PITPNM3: variants seen among roughly 807,000 people sequenced by gnomAD.
PITPNM3 encodes membrane-associated phosphatidylinositol transfer protein 3.
A neutral mutation model predicts 102.0 loss-of-function variants in PITPNM3; 26 were observed. The observed-to-expected ratio is 0.25, with a 90% CI of 0.19 to 0.35. The LOEUF (loss-of-function observed/expected upper bound fraction) is 0.35. Ranked by LOEUF, PITPNM3 falls within the 10% of genes least tolerant of loss-of-function variation. The pLI, the probability that PITPNM3 is intolerant of heterozygous loss-of-function variation, is 1.00. For missense variants in PITPNM3, 1,083 were observed against 1,346.1 expected (o/e 0.80, Z 3.06); for synonymous variants, 578 against 558.6 (o/e 1.03, Z -0.49).
At position 6,517,600 on chromosome 17, in the gene PITPNM3, C is replaced by G. The variant is rs1189137440; in HGVS notation, c.226+7756G>C. On this transcript the variant is annotated intron_variant, in intron 3 of 19. Coordinates refer to ENST00000262483, the MANE Select transcript of PITPNM3 (RefSeq NM_031220.4). The surrounding 1 kb of genome is among the most constrained non-coding windows in gnomAD (Gnocchi z 4.1). ...TTTGAGACAGGGGCTCATTCTGTCA[C>G]CCAGGCTGGGTTGCAGTGGAGCAAG... Among the ~76,000 whole-genome samples the G allele has an allele frequency of 6.6e-6, 1 of 151,956 alleles. No homozygotes were observed. Among genetic ancestry groups the G allele is most frequent in the African/African-American group, 2.4e-5 (1 of 41,362 alleles).
rs374847640 is a variant in PITPNM3 at position 6,483,573 on chromosome 17, G to A, written c.531C>T (p.Leu177=). Residue 177 remains leucine (L), a synonymous_variant, in exon 6 of 20, where the codon CTC becomes CTT. Transcript: ENST00000262483. The part of the protein sequence containing the change: ...AHFPAALGHI[L]IKFVPCPAIC... Reference sequence around the variant, plus strand: ...TGGCAGGACAGGGGACGAACTTGATGAGGATGTGGCCCAGGGCAGCAGGGA... The same window carrying A: ...TGGCAGGACAGGGGACGAACTTGATAAGGATGTGGCCCAGGGCAGCAGGGA... 31 of 1,614,126 alleles carry A rather than the reference G, an allele frequency of 1.9e-5. 1 individual carries two copies. The Admixed American group carries it at 4.7e-4, about 24-fold the overall frequency.
At position 6,472,109 on chromosome 17, in the gene PITPNM3, G is replaced by A. The variant is rs932649254; in HGVS notation, c.1429+548C>T. ...CAGGTCTCCCATCGACGATACACTC[G>A]GTCCATGCCCGGTTCACCCCACTTG... On this transcript the variant is annotated intron_variant, in intron 11 of 19. Coordinates refer to ENST00000262483, the MANE Select transcript of PITPNM3 (RefSeq NM_031220.4). The surrounding 1 kb of genome is among the most constrained non-coding windows in gnomAD (Gnocchi z 4.1). 4.6e-5 allele frequency among the ~76,000 whole-genome samples: 7 copies of A among 152,132 alleles called. No individual in the cohort carries two copies. Among genetic ancestry groups the A allele is most frequent in the Non-Finnish European group, 8.8e-5 (6 of 68,016 alleles).
intron 4 of PITPNM3, among the ~76,000 whole-genome samples, chr17:6,487,238 C>T (rs571537093): frequency 6.6e-6 from 1 of 152,256 alleles, no homozygotes; most frequent in South Asian, 2.1e-4. Flanking sequence ...AGCTGTGTGA[C>T]CTGTGTCTCA....
chr17:6,453,138 TCTCTCCCTCTCTCTCTTTCTCTCTCC>T lies in PITPNM3; in HGVS notation c.*2174_*2199del, dbSNP rs1296969620. On this transcript the variant is annotated 3_prime_UTR_variant, in exon 20 of 20. Coordinates refer to ENST00000262483, the MANE Select transcript of PITPNM3 (RefSeq NM_031220.4). Reference sequence around the variant, plus strand: ...CTTTCTCTCTCCCTCTCTCTCTCTCTCTCTCCCTCTCTCTCTTTCTCTCTCCCTCTCCCTCTCTCGCCTAGCCTGGG... The same window carrying T: ...CTTTCTCTCTCCCTCTCTCTCTCTCTCTCTCCCTCTCTCGCCTAGCCTGGG... 1.4e-5 allele frequency: 2 copies of T among 140,826 alleles called. No homozygotes were observed. Among genetic ancestry groups the T allele is most frequent in the Non-Finnish European group, 3.1e-5 (2 of 63,614 alleles). 8.7% of individuals were successfully genotyped at this position (140,826 alleles called of 1,614,324 possible).
Position 6,454,488 on chromosome 17 carries a change from ACT to A in PITPNM3, c.*848_*849del, listed in dbSNP as rs1415548712. The A allele has an allele frequency of 6.6e-6, 1 of 152,210 alleles. No homozygotes were observed. The highest frequency in any genetic ancestry group is 1.5e-5 in the Non-Finnish European group (1 of 68,086). 9.4% of individuals were successfully genotyped at this position (152,210 alleles called of 1,614,324 possible). On this transcript the variant is annotated 3_prime_UTR_variant, in exon 20 of 20. Coordinates refer to ENST00000262483, the MANE Select transcript of PITPNM3 (RefSeq NM_031220.4). Reference sequence around the variant, plus strand: ...CTGCAGGACATCTTGGGAGTCAAAGACTCACACCAATCTCAGCTAGGGGGACC... The same window carrying A: ...CTGCAGGACATCTTGGGAGTCAAAGACACACCAATCTCAGCTAGGGGGACC...
rs535170633 is a variant in PITPNM3, at chr17:6,459,478, C to T, written c.2491-1756G>A. Among the ~76,000 whole-genome samples the T allele has an allele frequency of 6.6e-6, 1 of 152,032 alleles. No homozygotes were observed. Among genetic ancestry groups the T allele is most frequent in the African/African-American group, 2.4e-5 (1 of 41,382 alleles). On this transcript the variant is annotated intron_variant, in intron 18 of 19. Transcript: ENST00000262483. This position sits in a 1 kb window ranked among gnomAD's most constrained non-coding sequence, Gnocchi z 5.0. ...CTCCCGTCTCATGGCTCCACTGATC[C>T]GTCTCATGCATCTGTTTCCCAGTCT...
chr17:6,538,085 G>A lies in PITPNM3; in HGVS notation c.23-3C>T. The A allele has an allele frequency of 1.9e-6, 3 of 1,600,642 alleles. No individual in the cohort carries two copies. Among genetic ancestry groups the A allele is most frequent in the Non-Finnish European group, 2.6e-6 (3 of 1,167,828 alleles). ...ACCGCCGCCCGGGGGAGGACCACCT[G>A]TTAAAGGGAACACATCTGTTAACCA... On this transcript the variant is annotated splice_polypyrimidine_tract_variant and splice_region_variant and intron_variant, in intron 1 of 19. Transcript: ENST00000262483.
Position 6,470,356 on chromosome 17 carries a change from A to G in PITPNM3, c.1677T>C (p.Pro559=), listed in dbSNP as rs763939301. ...CGGTGGGGAAGGCCGTGAGGACATC[A>G]GGGCAGTACAGGGCATAGTCGATCC... The part of the protein sequence containing the change: ...SKRIDYALYC[P]DVLTAFPTVA... The change falls in exon 13 of 20, where the codon CCT becomes CCC. Residue 559 remains proline (P), a synonymous_variant. Transcript: ENST00000262483. The surrounding 1 kb of genome is among the most constrained non-coding windows in gnomAD (Gnocchi z 4.8). 1 of 1,614,180 alleles carries G rather than the reference A, an allele frequency of 6.2e-7. No individual in the cohort carries two copies. The highest frequency in any genetic ancestry group is 1.1e-5 in the South Asian group (1 of 91,076).
intron 1 of PITPNM3, among the ~76,000 whole-genome samples, chr17:6,553,868 G>C (rs1910453270): frequency 6.6e-6 from 1 of 152,096 alleles, no homozygotes; most frequent in Admixed American, 6.5e-5. Flanking sequence ...AGTTTCCCCA[G>C]CTGTGAAGAA....
Position 6,453,308 on chromosome 17 carries a change from C to A in PITPNM3, c.*2030G>T, listed in dbSNP as rs1308030747. 6.6e-6 allele frequency: 1 copy of A among 152,252 alleles called. No homozygotes were observed. The highest frequency in any genetic ancestry group is 1.5e-5 in the Non-Finnish European group (1 of 68,092). 9.4% of individuals were successfully genotyped at this position (152,252 alleles called of 1,614,324 possible). A position where few individuals can be genotyped will look rare whatever the true frequency, so the allele number is the denominator to read the frequency against. ...GATGGTAGAGTTTTCAAGAATCAGACTAAGTCTGCCCAAGTTTAAATCAGG... is the reference window on the plus strand; with the variant it reads ...GATGGTAGAGTTTTCAAGAATCAGAATAAGTCTGCCCAAGTTTAAATCAGG... On this transcript the variant is annotated 3_prime_UTR_variant, in exon 20 of 20. Coordinates refer to ENST00000262483, the MANE Select transcript of PITPNM3 (RefSeq NM_031220.4).
chr17:6,473,278 TAG>T lies in PITPNM3; in HGVS notation c.1259-453_1259-452del. ...AACACTCAGTTCCCAGGCCTGCTGC[TAG>T]AGTTCCAGGTTTGCCAGAGCTGGTG... On this transcript the variant is annotated intron_variant, in intron 10 of 19. Transcript: ENST00000262483. 1.6e-5 allele frequency: 4 copies of T among 247,946 alleles called. No individual in the cohort carries two copies. In the South Asian group the frequency reaches 1.9e-4, roughly 12 times the overall value. 15.4% of individuals were successfully genotyped at this position (247,946 alleles called of 1,614,324 possible). A position where few individuals can be genotyped will look rare whatever the true frequency, so the allele number is the denominator to read the frequency against.
At chr17:6,461,044 C>T (rs1904420802) in intron 18 of PITPNM3, 22 of 404,326 alleles carry the variant, frequency 5.4e-5, no homozygotes, top group South Asian at 4.4e-4. Flanking sequence ...CTCTGTGCAG[C>T]CCCAACAAGC....
intron 2 of PITPNM3, among the ~76,000 whole-genome samples, chr17:6,527,252 G>A (rs1056179395): frequency 6.6e-6 from 1 of 152,250 alleles, no homozygotes; most frequent in African/African-American, 2.4e-5. Context: ...ATTATGAAGA[G>A]GTTAAGAGCT....
At chr17:6,516,206 A>G (rs548597870) in intron 3 of PITPNM3, among the ~76,000 whole-genome samples, 2 of 152,316 alleles carry the variant, frequency 1.3e-5, no homozygotes, top group East Asian at 3.9e-4. Context: ...AGAACCCACC[A>G]AGGACCAAGA....
At chr17:6,553,709 T>C (rs547388327) in intron 1 of PITPNM3, among the ~76,000 whole-genome samples, 1 of 152,248 alleles carries the variant, frequency 6.6e-6, no homozygotes, top group African/African-American at 2.4e-5. Context: ...CCTCCACTCC[T>C]GGCCTTCAGC....
chr17:6,526,951 G>A (rs747351646), intron 2 of PITPNM3, among the ~76,000 whole-genome samples: 3 of 152,128 alleles, frequency 2.0e-5, no homozygotes, highest in Non-Finnish European at 4.4e-5. Flanking sequence ...ACACACATTC[G>A]GACAATTTCC....
chr17:6,472,668 G>T lies in PITPNM3; in HGVS notation c.1418C>A (p.Ser473Tyr). 1.2e-6 allele frequency: 2 copies of T among 1,613,038 alleles called. No homozygotes were observed. The highest frequency in any genetic ancestry group is 1.7e-6 in the Non-Finnish European group (2 of 1,179,810). Residue 473 changes from serine to tyrosine, a missense_variant, in exon 11 of 20, where the codon TCC (serine) becomes TAC (tyrosine). Ser to Tyr is a moderately radical substitution (Grantham distance 144). Coordinates refer to ENST00000262483, the MANE Select transcript of PITPNM3 (RefSeq NM_031220.4). This position sits in a 1 kb window ranked among gnomAD's most constrained non-coding sequence, Gnocchi z 4.1. ...CCCCAAGAACCTACCGAGGAGGAGG[G>T]ACTGCCCATCGCCCAGTGGGAACCT... ...YQRFPLGDGQSLLLADALHTH... is the reference protein window; with the variant it reads ...YQRFPLGDGQYLLLADALHTH...
In PITPNM3 at chr17:6,470,903, C is replaced by T. The variant is rs867358546; in HGVS notation, c.1624+258G>A. Among the ~76,000 whole-genome samples, 2 of 152,144 alleles carry T rather than the reference C, an allele frequency of 1.3e-5. No individual in the cohort carries two copies. Among genetic ancestry groups the T allele is most frequent in the Middle Eastern group, 3.2e-3 (1 of 316 alleles). On this transcript the variant is annotated intron_variant, in intron 12 of 19. Coordinates refer to ENST00000262483, the MANE Select transcript of PITPNM3 (RefSeq NM_031220.4). This position sits in a 1 kb window ranked among gnomAD's most constrained non-coding sequence, Gnocchi z 4.8. ...TTTGAGGCAGGGTCAGAGTTCAGGG[C>T]TCTGTCCAGGGTCAGAGGTCAAGGT...
chr17:6,477,066 A>G lies in PITPNM3; in HGVS notation c.1048T>C (p.Cys350Arg), dbSNP rs751945701. Residue 350 changes from cysteine to arginine, a missense_variant, in exon 9 of 20, where the codon TGC becomes CGC. Transcript: ENST00000262483. ...RKQSDSSTYD[C>R]EAITQHHAFL... is the part of the protein sequence containing the mutation. ...GCATGGTGCTGGGTGATGGCCTCGC[A>G]GTCATAGGTGGAGGAGTCGCTCTGT... 6.2e-7 allele frequency: 1 copy of G among 1,614,202 alleles called. No homozygotes were observed. The highest frequency in any genetic ancestry group is 1.1e-5 in the South Asian group (1 of 91,072).
Sources: gnomAD v4.1 joint callset for allele counts (sites outside exome capture counted in the v4.1 genomes callset) on GRCh38, gnomAD v4.1.1 for gene constraint, Gnocchi (gnomAD v3.1) non-coding constraint, MANE v1.5 for transcripts, NCBI Gene and HGNC (gene_info 2026-07-23, HGNC 2026-07-21) for gene names.